Variants in HSDL2 observed in about 807,000 individuals in gnomAD.
HSDL2 encodes the protein hydroxysteroid dehydrogenase-like protein 2.
HSDL2 carries 27 observed loss-of-function variants against 46.3 expected under a neutral mutation model. The ratio of observed to expected loss-of-function variants is 0.58; its 90% CI spans 0.43 to 0.80. The LOEUF (loss-of-function observed/expected upper bound fraction) is 0.80. Among genes scored for constraint, HSDL2 ranks in the 30% least tolerant of loss-of-function variants. HSDL2 has a pLI of 0.00. For synonymous variants in HSDL2, 153 were observed against 163.6 expected, an observed-to-expected ratio of 0.94 and a Z score of 0.50; for missense variants, 451 against 502.7, an observed-to-expected ratio of 0.90 and a Z score of 0.98.
chr9:112,465,896 A>G (rs944508544), intron 10 of HSDL2, among the ~76,000 whole-genome samples: 3 of 152,210 alleles, frequency 2.0e-5, no homozygotes, highest in Non-Finnish European at 2.9e-5. Context: ...TCTCTTGGCT[A>G]TCTACATGGG....
chr9:112,458,550 C>T (rs1833103120), intron 9 of HSDL2, among the ~76,000 whole-genome samples: 1 of 151,884 alleles, frequency 6.6e-6, no homozygotes, highest in Non-Finnish European at 1.5e-5. Context: ...TGGTCTTGAA[C>T]TCCTGACCTC....
At chr9:112,400,319 C>A (rs1831559759) in intron 1 of HSDL2, among the ~76,000 whole-genome samples, 1 of 152,114 alleles carries the variant, frequency 6.6e-6, no homozygotes, top group Admixed American at 6.6e-5. Context: ...AGGATATTAT[C>A]CTCTTTGGGC....
At chr9:112,442,268 CAAAAAAA>C (rs71382431) in intron 8 of HSDL2, among the ~76,000 whole-genome samples, 19 of 47,456 alleles carry the variant, frequency 4.0e-4, no homozygotes, top group South Asian at 2.0e-3. Context: ...GACCCTGTCT[CAAAAAAA>C]AAAAAAAAAA....
intron 1 of HSDL2, 75 bp downstream of exon 1, chr9:112,380,255 G>C: frequency 7.1e-7 from 1 of 1,417,568 alleles, no homozygotes; most frequent in Non-Finnish European, 9.4e-7. Flanking sequence ...GCCGCGGATC[G>C]CCCGGGCTGG....
intron 10 of HSDL2, among the ~76,000 whole-genome samples, chr9:112,462,280 AG>A (rs1224371673): frequency 3.3e-5 from 5 of 152,170 alleles, no homozygotes; most frequent in African/African-American, 4.8e-5. Context: ...CCTGGCCTAC[AG>A]GGCAAAACCC....
chr9:112,406,750 G>A (rs942669851), intron 3 of HSDL2, among the ~76,000 whole-genome samples: 1 of 152,206 alleles, frequency 6.6e-6, no homozygotes, highest in Non-Finnish European at 1.5e-5. Flanking sequence ...TTACAGGCGT[G>A]AGCCACCGTG....
chr9:112,459,325 T>C (rs1376846914), intron 9 of HSDL2, 124 bp from the exon 10 acceptor site: 6 of 994,126 alleles, frequency 6.0e-6, no homozygotes, highest in Non-Finnish European at 7.5e-6. Context: ...ATTTGACTGA[T>C]GGAGGTCTGG....
intron 7 of HSDL2, among the ~76,000 whole-genome samples, chr9:112,439,509 A>G (rs1832596203): frequency 6.6e-6 from 1 of 152,206 alleles, no homozygotes; most frequent in Non-Finnish European, 1.5e-5. Context: ...TGATAATGAT[A>G]ATAATGGATT....
At chr9:112,463,601 CTTG>C (rs1833279520) in intron 10 of HSDL2, among the ~76,000 whole-genome samples, 1 of 152,142 alleles carries the variant, frequency 6.6e-6, no homozygotes, top group African/African-American at 2.4e-5. Flanking sequence ...CCAGAGTTGG[CTTG>C]TTGTCTTTTT....
rs987085385 is a variant in HSDL2 at position 112,394,880 on chromosome 9, G to A, written c.18-9115G>A. 3.3e-5 allele frequency among the ~76,000 whole-genome samples: 5 copies of A among 152,156 alleles called. No homozygotes were observed. The East Asian group carries it at 7.7e-4, about 23-fold the overall frequency. ...TAGCTCCAGGCATATATACACTATC[G>A]TTAGTATAGATTTCTGCAGGAGCAT... On this transcript the variant is annotated intron_variant, in intron 1 of 10. Coordinates refer to ENST00000398805, the MANE Select transcript of HSDL2 (RefSeq NM_032303.5).
At chr9:112,412,619 T>C (rs1274245691) in intron 4 of HSDL2, among the ~76,000 whole-genome samples, 2 of 152,244 alleles carry the variant, frequency 1.3e-5, no homozygotes, top group African/African-American at 4.8e-5. Context: ...AACTATAGAC[T>C]TGACCTTTTA....
At chr9:112,392,356 G>A (rs1292146577) in intron 1 of HSDL2, among the ~76,000 whole-genome samples, 21 of 152,172 alleles carry the variant, frequency 1.4e-4, no homozygotes, top group African/African-American at 4.3e-4. Flanking sequence ...ACAGGTTTGA[G>A]AGCAGAGAAC....
At chr9:112,385,256 G>T (rs1408472739) in intron 1 of HSDL2, among the ~76,000 whole-genome samples, 1 of 152,068 alleles carries the variant, frequency 6.6e-6, no homozygotes, top group Non-Finnish European at 1.5e-5. Context: ...AAAATGATAG[G>T]CCAGAAATTA....
intron 10 of HSDL2, among the ~76,000 whole-genome samples, chr9:112,466,600 T>C (rs1833394894): frequency 6.6e-6 from 1 of 152,104 alleles, no homozygotes; most frequent in Non-Finnish European, 1.5e-5. Flanking sequence ...TTTCATCAGA[T>C]ACATGATTTA....
At chr9:112,381,075 G>T (rs911450110) in intron 1 of HSDL2, among the ~76,000 whole-genome samples, 2 of 77,522 alleles carry the variant, frequency 2.6e-5, no homozygotes, top group Non-Finnish European at 5.2e-5. Context: ...AACATAATTT[G>T]TATACATCCG....
At chr9:112,404,384 G>A (rs1284141881) in intron 2 of HSDL2, among the ~76,000 whole-genome samples, 1 of 152,078 alleles carries the variant, frequency 6.6e-6, no homozygotes, top group African/African-American at 2.4e-5. Flanking sequence ...TTATTTCATG[G>A]CGGGGCGTGG....
rs1324683974 is a variant in HSDL2 at position 112,399,683 on chromosome 9, G to A, written c.18-4312G>A. Reference sequence around the variant, plus strand: ...TATTAATATTAATATTCCTCGCTAGGAAAAGAATTTAGCAATATCTCGCCT... The same window carrying A: ...TATTAATATTAATATTCCTCGCTAGAAAAAGAATTTAGCAATATCTCGCCT... On this transcript the variant is annotated intron_variant, in intron 1 of 10. Coordinates refer to ENST00000398805, the MANE Select transcript of HSDL2 (RefSeq NM_032303.5). Among the ~76,000 whole-genome samples, 4 of 152,134 alleles carry A rather than the reference G, an allele frequency of 2.6e-5. No individual in the cohort carries two copies. In the East Asian group the frequency reaches 7.7e-4, roughly 29 times the overall value.
At position 112,396,010 on chromosome 9, in the gene HSDL2, C is replaced by T. The variant is rs185582031; in HGVS notation, c.18-7985C>T. Among the ~76,000 whole-genome samples, 73 of 152,318 alleles carry T rather than the reference C, an allele frequency of 4.8e-4. 1 individual carries two copies. The highest frequency in any genetic ancestry group is 1.0e-3 in the South Asian group (5 of 4,822). On this transcript the variant is annotated intron_variant, in intron 1 of 10. Coordinates refer to ENST00000398805, the MANE Select transcript of HSDL2 (RefSeq NM_032303.5). Reference sequence around the variant, plus strand: ...CCTAAACCAGCCCTGTCTTCTTTTACGGTAACTTGAAGAGGTTTGGTAATT... The same window carrying T: ...CCTAAACCAGCCCTGTCTTCTTTTATGGTAACTTGAAGAGGTTTGGTAATT...
At chr9:112,419,229 G>A (rs900632747) in intron 6 of HSDL2, among the ~76,000 whole-genome samples, 4 of 151,916 alleles carry the variant, frequency 2.6e-5, no homozygotes, top group South Asian at 2.1e-4. Context: ...GGCTGGTCTC[G>A]AACTCCTCAA....
Sources: allele counts gnomAD v4.1 joint callset (sites outside exome capture counted in the v4.1 genomes callset), GRCh38; gene constraint gnomAD v4.1.1; transcripts MANE v1.5; gene names NCBI Gene and HGNC (gene_info 2026-07-23, HGNC 2026-07-21).